The following TPST1 variants were observed in gnomAD, a reference collection of about 807,000 sequenced individuals.
TPST1 encodes the protein tyrosylprotein sulfotransferase 1.
In TPST1, 20 loss-of-function variants were observed where a neutral mutation model predicts 34.8. The observed-to-expected ratio is 0.57, with a 90% CI of 0.40 to 0.84. The LOEUF (loss-of-function observed/expected upper bound fraction) is 0.84, where lower values mean the gene tolerates loss of function less well. TPST1 is among the 40% of genes least tolerant of loss of function. TPST1 has a pLI of 0.00. For synonymous variants in TPST1, 152 were observed against 159.4 expected, an observed-to-expected ratio of 0.95 and a Z score of 0.35; for missense variants, 353 against 455.5, an observed-to-expected ratio of 0.78 and a Z score of 2.05.
chr7:66,232,680 A>AT (rs1789823747), intron 1 of TPST1, among the ~76,000 whole-genome samples: 1 of 152,058 alleles, frequency 6.6e-6, no homozygotes, highest in Non-Finnish European at 1.5e-5. Context: ...TTTTTAAATT[A>AT]TTTTTTGTAG....
intron 1 of TPST1, among the ~76,000 whole-genome samples, chr7:66,212,588 T>C (rs567815332): frequency 1.4e-4 from 21 of 152,030 alleles, no homozygotes; most frequent in Middle Eastern, 6.8e-3. Context: ...GCCTCCCAAG[T>C]AGCTGGCATT....
chr7:66,302,510 G>A (rs553603593), intron 3 of TPST1, among the ~76,000 whole-genome samples: 6 of 152,278 alleles, frequency 3.9e-5, no homozygotes, highest in African/African-American at 1.2e-4. Flanking sequence ...CAAGAGATTT[G>A]TTTTTACACT....
At chr7:66,295,099 C>A (rs1436015311) in intron 3 of TPST1, among the ~76,000 whole-genome samples, 1 of 151,530 alleles carries the variant, frequency 6.6e-6, no homozygotes, top group Non-Finnish European at 1.5e-5. Flanking sequence ...TGCAGATACT[C>A]AATTTTAGGA....
intron 3 of TPST1, among the ~76,000 whole-genome samples, chr7:66,345,048 T>A (rs1792316415): frequency 2.0e-5 from 3 of 151,186 alleles, no homozygotes; most frequent in Non-Finnish European, 4.4e-5. Context: ...TTAAAAAAAA[T>A]ATGTGTATGT....
At chr7:66,286,863 T>A (rs1377364618) in intron 3 of TPST1, among the ~76,000 whole-genome samples, 154 bp downstream of exon 3, 1 of 149,064 alleles carries the variant, frequency 6.7e-6, no homozygotes, top group African/African-American at 2.5e-5. Context: ...ATTTTATTTT[T>A]TTTATTATAC....
At chr7:66,246,178 A>ATT (rs1790143538) in intron 2 of TPST1, among the ~76,000 whole-genome samples, 2 of 89,968 alleles carry the variant, frequency 2.2e-5, no homozygotes, top group East Asian at 3.4e-4. Flanking sequence ...ATGCCTGGCT[A>ATT]ATTTTTTTTT....
intron 3 of TPST1, among the ~76,000 whole-genome samples, chr7:66,333,393 T>C (rs1323918316): frequency 1.3e-5 from 2 of 152,218 alleles, no homozygotes; most frequent in Non-Finnish European, 2.9e-5. Flanking sequence ...TTAGGTCTTA[T>C]GTAGTGTGTG....
intron 2 of TPST1, among the ~76,000 whole-genome samples, chr7:66,247,882 G>T (rs192346726): frequency 3.3e-5 from 5 of 152,234 alleles, no homozygotes; most frequent in African/African-American, 1.2e-4. Flanking sequence ...GAACAACTAC[G>T]CCCTGTTATG....
intron 3 of TPST1, among the ~76,000 whole-genome samples, chr7:66,320,141 T>C (rs1791720463): frequency 6.6e-6 from 1 of 152,206 alleles, no homozygotes; most frequent in South Asian, 2.1e-4. Context: ...AAATGAATAA[T>C]GAACCCAACA....
intron 3 of TPST1, among the ~76,000 whole-genome samples, chr7:66,346,630 A>G (rs1262296549): frequency 6.6e-6 from 1 of 152,074 alleles, no homozygotes; most frequent in Non-Finnish European, 1.5e-5. Flanking sequence ...TTGTATGTCT[A>G]CTTTGTAGTA....
At chr7:66,358,060 G>A (rs1243542641) in intron 5 of TPST1, among the ~76,000 whole-genome samples, 1 of 151,942 alleles carries the variant, frequency 6.6e-6, no homozygotes, top group South Asian at 2.1e-4. Context: ...CTCCAGCCTG[G>A]GTGACAAGAG....
chr7:66,324,463 TG>T (rs1028448542), intron 3 of TPST1, among the ~76,000 whole-genome samples: 124 of 152,110 alleles, frequency 8.2e-4, no homozygotes, highest in South Asian at 8.3e-4. Context: ...CTACTTAAAA[TG>T]GGGAAAAAAA....
At position 66,275,107 on chromosome 7, in the gene TPST1, T is replaced by C. The variant is rs1790780302; in HGVS notation, c.846-11404T>C. Among the ~76,000 whole-genome samples the C allele has an allele frequency of 2.0e-5, 3 of 152,080 alleles. No individual in the cohort carries two copies. The South Asian group carries it at 6.3e-4, about 32-fold the overall frequency. On this transcript the variant is annotated intron_variant, in intron 2 of 5. Coordinates refer to ENST00000304842, the MANE Select transcript of TPST1 (RefSeq NM_003596.4). ...TACTTGGGAGGCTGAGGCAGGAGAA[T>C]GGCGTGAACCCGGGAGGCAGAGCTT... is the stretch of plus-strand genomic sequence containing the variant.
At chr7:66,215,236 G>A (rs564545761) in intron 1 of TPST1, among the ~76,000 whole-genome samples, 85 of 148,920 alleles carry the variant, frequency 5.7e-4, no homozygotes, top group African/African-American at 2.0e-3. Context: ...TGTATTTTTA[G>A]TAGAGACGGG....
intron 3 of TPST1, among the ~76,000 whole-genome samples, chr7:66,300,956 AC>A (rs1255655911): frequency 1.3e-4 from 19 of 151,936 alleles, no homozygotes; most frequent in Non-Finnish European, 2.8e-4. Flanking sequence ...AAAAAAAAAA[AC>A]AAAAAACAAA....
chr7:66,199,210 C>T, the TPST1 span, among the ~76,000 whole-genome samples: 2 of 151,766 alleles, frequency 1.3e-5, no homozygotes, highest in African/African-American at 2.4e-5. Flanking sequence ...TCTAGCCATT[C>T]ATTACCTGTC....
intron 3 of TPST1, among the ~76,000 whole-genome samples, chr7:66,313,445 C>G (rs1791572396): frequency 6.6e-6 from 1 of 151,924 alleles, no homozygotes; most frequent in Admixed American, 6.6e-5. Context: ...ATAAAATAAA[C>G]AAATTATGCT....
intron 3 of TPST1, among the ~76,000 whole-genome samples, chr7:66,341,670 T>C (rs1243850203): frequency 1.3e-5 from 2 of 152,200 alleles, no homozygotes; most frequent in Non-Finnish European, 2.9e-5. Flanking sequence ...TATAGAGAAC[T>C]CCATTTAACT....
At chr7:66,353,338 C>T (rs369860809) in intron 4 of TPST1, among the ~76,000 whole-genome samples, 10 of 151,774 alleles carry the variant, frequency 6.6e-5, no homozygotes, top group South Asian at 6.3e-4. Context: ...GGCATGGTGG[C>T]GAGGCCTCTG....
Sources: gnomAD v4.1 joint callset for allele counts (sites outside exome capture counted in the v4.1 genomes callset) on GRCh38, gnomAD v4.1.1 for gene constraint, MANE v1.5 for transcripts, NCBI Gene and HGNC (gene_info 2026-07-23, HGNC 2026-07-21) for gene names.